LIG1: variants seen among roughly 807,000 people sequenced by gnomAD.
LIG1 encodes DNA ligase 1.
LIG1 carries 70 observed loss-of-function variants against 115.7 expected under a neutral mutation model. That is an observed-to-expected ratio of 0.60 (90% CI 0.50 to 0.74). The LOEUF (loss-of-function observed/expected upper bound fraction) is 0.74. LIG1 is among the 30% of genes least tolerant of loss of function. LIG1 has a pLI of 0.00. For missense variants in LIG1, 1,115 were observed against 1,225.6 expected (o/e 0.91, Z 1.35); for synonymous variants, 487 against 495.3 (o/e 0.98, Z 0.22).
At chr19:48,168,914 T>C (rs2036616059) in intron 1 of LIG1, among the ~76,000 whole-genome samples, 1 of 152,194 alleles carries the variant, frequency 6.6e-6, no homozygotes, top group Non-Finnish European at 1.5e-5. Flanking sequence ...ATGGGCAAAA[T>C]TGTACACTTT....
intron 17 of LIG1, 101 bp downstream of exon 17, chr19:48,133,880 T>C (rs1248131018): frequency 5.4e-6 from 5 of 921,558 alleles, no homozygotes; most frequent in Non-Finnish European, 8.7e-6. Flanking sequence ...GGGAGAGGAC[T>C]CTGCAAGTTC....
At chr19:48,157,925 G>A (rs1265611942) in intron 4 of LIG1, among the ~76,000 whole-genome samples, 3 of 152,186 alleles carry the variant, frequency 2.0e-5, no homozygotes, top group African/African-American at 7.2e-5. Flanking sequence ...GGTATGACCT[G>A]GCGGGAGGCA....
rs980145140 is a variant in LIG1, at chr19:48,127,639, G to C, written c.1932+271C>G. The C allele has an allele frequency of 5.6e-5, 34 of 609,960 alleles. No homozygotes were observed. In the African/African-American group the frequency reaches 5.9e-4, roughly 11 times the overall value. 37.8% of individuals were successfully genotyped at this position (609,960 alleles called of 1,614,324 possible). Reference sequence around the variant, plus strand: ...TGAGATGGAAAAGGGGAAACCTGTGGGGTGCAGGTTGTGGGGTTTTCCAGA... The same window carrying C: ...TGAGATGGAAAAGGGGAAACCTGTGCGGTGCAGGTTGTGGGGTTTTCCAGA... On this transcript the variant is annotated intron_variant, in intron 20 of 27. Coordinates refer to ENST00000263274, the MANE Select transcript of LIG1 (RefSeq NM_000234.3).
chr19:48,154,228 CA>C (rs3730892), intron 5 of LIG1: 12 of 469,250 alleles, frequency 2.6e-5, no homozygotes, highest in Admixed American at 1.6e-4. Flanking sequence ...CACGAGTAAA[CA>C]ATGATGTAAT....
In LIG1 at chr19:48,134,014, C is replaced by G. The variant is rs763599540; in HGVS notation, c.1576G>C (p.Glu526Gln). The G allele has an allele frequency of 2.6e-6, 4 of 1,556,566 alleles. No individual in the cohort carries two copies. The highest frequency in any genetic ancestry group is 3.5e-6 in the Non-Finnish European group (4 of 1,149,610). The change falls in exon 17 of 28, where the codon GAA becomes CAA. Residue 526 changes from glutamate to glutamine, a missense_variant. Physicochemically the swap from Glu to Gln is conservative, Grantham distance 29. Transcript: ENST00000263274. ...IIPVLLEHGL[E>Q]RLPEHCKLSP... Reference sequence around the variant, plus strand: ...AGCTTGCAGTGCTCCGGGAGACGTTCCAGGCCGTGCTCCAGCAGCACGGGG... The same window carrying G: ...AGCTTGCAGTGCTCCGGGAGACGTTGCAGGCCGTGCTCCAGCAGCACGGGG...
chr19:48,169,087 T>C (rs184803411), intron 1 of LIG1, among the ~76,000 whole-genome samples: 2 of 152,308 alleles, frequency 1.3e-5, no homozygotes, highest in East Asian at 1.9e-4. Flanking sequence ...CTCCAGGGCA[T>C]TGTGCAGAGT....
intron 19 of LIG1, among the ~76,000 whole-genome samples, chr19:48,130,331 A>G (rs933537409): frequency 3.3e-5 from 5 of 152,202 alleles, no homozygotes; most frequent in Admixed American, 2.6e-4. Flanking sequence ...GCTTTCTTAA[A>G]TAACTTATTT....
chr19:48,143,726 C>G, intron 10 of LIG1, 127 bp from the exon 11 acceptor site: 1 of 1,072,264 alleles, frequency 9.3e-7, no homozygotes, highest in Non-Finnish European at 1.4e-6. Flanking sequence ...GAGCTCACTT[C>G]CCAGGGCTGT....
intron 9 of LIG1, among the ~76,000 whole-genome samples, chr19:48,148,491 A>G (rs1200877847): frequency 6.8e-6 from 1 of 147,052 alleles, no homozygotes; most frequent in Non-Finnish European, 1.5e-5. Context: ...AAAAAAAAAA[A>G]GCAGGGAGGA....
chr19:48,130,770 G>A (rs1396131666), intron 19 of LIG1, among the ~76,000 whole-genome samples: 1 of 152,184 alleles, frequency 6.6e-6, no homozygotes, highest in African/African-American at 2.4e-5. Context: ...AACTCTAAGG[G>A]GACAAGCATT....
intron 15 of LIG1, 105 bp from the exon 16 acceptor site, chr19:48,135,884 C>T: frequency 3.5e-6 from 4 of 1,150,666 alleles, no homozygotes; most frequent in Admixed American, 3.8e-5. Context: ...ATGCCGCGGC[C>T]CAAGACGCCC....
chr19:48,148,170 G>GC (rs760600772), intron 9 of LIG1, among the ~76,000 whole-genome samples: 66 of 152,246 alleles, frequency 4.3e-4, no homozygotes, highest in Non-Finnish European at 6.2e-4. Context: ...CCGGGGTCAA[G>GC]CATGTTCAGA....
rs762340730 is a variant in LIG1 at position 48,162,363 on chromosome 19, T to G, written c.18-12A>C. 7 of 1,591,778 alleles carry G rather than the reference T, an allele frequency of 4.4e-6. No individual in the cohort carries two copies. Among genetic ancestry groups the G allele is most frequent in the Non-Finnish European group, 3.4e-6 (4 of 1,161,584 alleles). ...GGTGGAAAAATGACCTAGAGGAGCATAAAAGGGGGTAAAAAAAGGAGAATA... is the reference window on the plus strand; with the variant it reads ...GGTGGAAAAATGACCTAGAGGAGCAGAAAAGGGGGTAAAAAAAGGAGAATA... On this transcript the variant is annotated splice_polypyrimidine_tract_variant and intron_variant, in intron 2 of 27. Coordinates refer to ENST00000263274, the MANE Select transcript of LIG1 (RefSeq NM_000234.3).
At position 48,139,975 on chromosome 19, in the gene LIG1, G is replaced by A; in HGVS notation, c.1083C>T (p.Ala361=). The A allele has an allele frequency of 6.2e-7, 1 of 1,614,122 alleles. No individual in the cohort carries two copies. Among genetic ancestry groups the A allele is most frequent in the East Asian group, 2.2e-5 (1 of 44,874 alleles). The change falls in exon 12 of 28, where the codon GCC becomes GCT. Residue 361 remains alanine (A), a synonymous_variant. Coordinates refer to ENST00000263274, the MANE Select transcript of LIG1 (RefSeq NM_000234.3). ...DGVLLKAVAQ[A]TGRQLESVRA... is the part of the protein sequence containing the mutation. ...TCCAACCACAGTCCCCCTTACCTGT[G>A]GCCTGGGCCACTGCCTTGAGAAGGA...
chr19:48,150,061 G>C, intron 8 of LIG1, 27 bp downstream of exon 8: 1 of 1,614,118 alleles, frequency 6.2e-7, no homozygotes, highest in Non-Finnish European at 8.5e-7. Flanking sequence ...ACAACCCCGG[G>C]AGGTGGGGTG....
intron 1 of LIG1, among the ~76,000 whole-genome samples, chr19:48,167,374 C>T (rs1441583104): frequency 6.6e-6 from 1 of 151,974 alleles, no homozygotes; most frequent in Middle Eastern, 3.2e-3. Flanking sequence ...TTGACTTTCC[C>T]TTCCTTTGCA....
In LIG1 at chr19:48,126,558, A is replaced by G. The variant is rs145689228; in HGVS notation, c.2004+719T>C. Among the ~76,000 whole-genome samples the G allele has an allele frequency of 4.7e-3, 717 of 151,398 alleles. 10 individuals are homozygous for G. The highest frequency in any genetic ancestry group is 0.017 in the African/African-American group (683 of 41,180). On this transcript the variant is annotated intron_variant, in intron 21 of 27. Transcript: ENST00000263274. Reference sequence around the variant, plus strand: ...GAGGAGGCAGTTGTAGTGAGCTGAGATCTCACCACTGCACTCCAGCCTGGG... The same window carrying G: ...GAGGAGGCAGTTGTAGTGAGCTGAGGTCTCACCACTGCACTCCAGCCTGGG...
intron 11 of LIG1, among the ~76,000 whole-genome samples, chr19:48,142,867 T>A (rs946107658): frequency 6.6e-6 from 1 of 152,128 alleles, no homozygotes. Context: ...GGTCTTGAAC[T>A]CCTGACCTCA....
intron 24 of LIG1, chr19:48,120,508 A>G (rs2033187012): frequency 1.0e-6 from 1 of 985,258 alleles, no homozygotes; most frequent in Admixed American, 6.1e-5. Flanking sequence ...GGAGAGGGGA[A>G]TATAGGAAAT....
Sources: allele counts gnomAD v4.1 joint callset (sites outside exome capture counted in the v4.1 genomes callset), GRCh38; gene constraint gnomAD v4.1.1; transcripts MANE v1.5; gene names NCBI Gene and HGNC (gene_info 2026-07-23, HGNC 2026-07-21).